ASPRV1: variants seen among roughly 807,000 people sequenced by gnomAD.
ASPRV1 encodes retroviral-like aspartic protease 1.
Under a neutral mutation model 11.0 loss-of-function variants are expected in ASPRV1, and 7 were observed. That is an observed-to-expected ratio of 0.64 (90% CI 0.36 to 1.20). The LOEUF is 1.20. ASPRV1 is among the 50% of genes most tolerant of loss of function. ASPRV1 has a pLI of 0.02. For missense variants in ASPRV1, 299 were observed against 320.0 expected, an observed-to-expected ratio of 0.93 and a Z score of 0.50; for synonymous variants, 136 against 138.4, an observed-to-expected ratio of 0.98 and a Z score of 0.12.
the ASPRV1 span, among the ~76,000 whole-genome samples, chr2:70,083,274 C>CTG: frequency 6.6e-6 from 1 of 152,224 alleles, no homozygotes; most frequent in Non-Finnish European, 1.5e-5. Context: ...TTCTAACAGG[C>CTG]TGTGTAACGT....
At chr2:70,080,750 T>C in the ASPRV1 span, among the ~76,000 whole-genome samples, 27 of 152,306 alleles carry the variant, frequency 1.8e-4, no homozygotes, top group South Asian at 1.2e-3. Flanking sequence ...AGCAAAACAA[T>C]AGTCACCAAA....
the ASPRV1 span, among the ~76,000 whole-genome samples, chr2:70,009,311 C>CTTATTTATTTATTTATTTATTTAT: frequency 6.8e-6 from 1 of 147,556 alleles, no homozygotes; most frequent in Non-Finnish European, 1.5e-5. Flanking sequence ...AATTTATTGT[C>CTTATTTATTTATTTATTTATTTAT]TTATTTATTT....
chr2:69,991,883 G>C, the ASPRV1 span, among the ~76,000 whole-genome samples: 1 of 152,180 alleles, frequency 6.6e-6, no homozygotes, highest in Non-Finnish European at 1.5e-5. Flanking sequence ...ACATTGCTCA[G>C]CAAGTTTCTC....
At chr2:70,036,314 A>G in the ASPRV1 span, among the ~76,000 whole-genome samples, 3 of 152,106 alleles carry the variant, frequency 2.0e-5, no homozygotes, top group Non-Finnish European at 2.9e-5. Context: ...AGCAGTGATC[A>G]GGGCAGGTTT....
the ASPRV1 span, among the ~76,000 whole-genome samples, chr2:69,968,841 G>A: frequency 6.6e-6 from 1 of 152,168 alleles, no homozygotes; most frequent in Admixed American, 6.5e-5. Context: ...CTGTGTGGCG[G>A]CTGCTGAACG....
chr2:70,024,365 A>C, the ASPRV1 span, among the ~76,000 whole-genome samples: 1 of 152,208 alleles, frequency 6.6e-6, no homozygotes, highest in African/African-American at 2.4e-5. Flanking sequence ...CATTAGTTGC[A>C]GTCTTCTGTG....
the ASPRV1 span, among the ~76,000 whole-genome samples, chr2:70,025,884 T>C: frequency 6.6e-6 from 1 of 152,206 alleles, no homozygotes; most frequent in South Asian, 2.1e-4. Flanking sequence ...AGAATTAAAA[T>C]ATGGACCATA....
chr2:70,045,506 C>T, the ASPRV1 span: 2 of 152,206 alleles, frequency 1.3e-5, no homozygotes, highest in Admixed American at 6.5e-5. Flanking sequence ...ACAAATATTC[C>T]TTTCCTTTCC....
the ASPRV1 span, chr2:70,056,581 G>A: frequency 1.6e-5 from 2 of 128,130 alleles, no homozygotes; most frequent in Non-Finnish European, 3.1e-5. Context: ...CTCCAGCCTG[G>A]GCGACAGAGC....
chr2:69,995,569 C>A, the ASPRV1 span, among the ~76,000 whole-genome samples: 1 of 152,072 alleles, frequency 6.6e-6, no homozygotes, highest in Non-Finnish European at 1.5e-5. Context: ...TGCCACCTTA[C>A]CCTCAGTTGG....
the ASPRV1 span, chr2:70,018,260 G>A: frequency 3.9e-3 from 588 of 152,054 alleles, 5 homozygotes; most frequent in Middle Eastern, 0.014. Context: ...AAACACTGAC[G>A]AAAGAAACTG....
At chr2:70,060,358 A>AT in the ASPRV1 span, among the ~76,000 whole-genome samples, 2 of 151,538 alleles carry the variant, frequency 1.3e-5, no homozygotes, top group Non-Finnish European at 1.5e-5. Context: ...AAAAAAAAAA[A>AT]AGCCTATTAA....
At chr2:70,040,672 A>G in the ASPRV1 span, among the ~76,000 whole-genome samples, 1 of 152,130 alleles carries the variant, frequency 6.6e-6, no homozygotes, top group African/African-American at 2.4e-5. Flanking sequence ...CGTCTTTACT[A>G]AAAGTACAAA....
the ASPRV1 span, among the ~76,000 whole-genome samples, chr2:70,058,019 G>A: frequency 3.3e-5 from 5 of 151,828 alleles, no homozygotes; most frequent in South Asian, 2.1e-4. Flanking sequence ...GGTCTTGATC[G>A]TGATCTGCCC....
At chr2:69,993,726 C>T in the ASPRV1 span, 1 of 152,250 alleles carries the variant, frequency 6.6e-6, no homozygotes, top group Non-Finnish European at 1.5e-5. Flanking sequence ...CTCTCCTTTT[C>T]CCACTGAAGT....
At chr2:70,034,085 G>C in the ASPRV1 span, among the ~76,000 whole-genome samples, 1 of 150,340 alleles carries the variant, frequency 6.7e-6, no homozygotes, top group Non-Finnish European at 1.5e-5. Context: ...ACCCCGGGGG[G>C]TGGAGCCTGC....
the ASPRV1 span, among the ~76,000 whole-genome samples, chr2:69,933,623 T>C: frequency 6.6e-6 from 1 of 152,148 alleles, no homozygotes; most frequent in Admixed American, 6.5e-5. Flanking sequence ...CCTCATGACC[T>C]AGAAGAGGCA....
the ASPRV1 span, among the ~76,000 whole-genome samples, chr2:69,978,748 A>G: frequency 6.6e-6 from 1 of 152,202 alleles, no homozygotes; most frequent in Non-Finnish European, 1.5e-5. Flanking sequence ...AGGTGGTAGC[A>G]GCCCGTGGAC....
chr2:70,046,840 CTTTATA>C, the ASPRV1 span: 1 of 152,264 alleles, frequency 6.6e-6, no homozygotes, highest in Admixed American at 6.5e-5. Context: ...TTTTAAGTTA[CTTTATA>C]TTTATGAAAG....
Sources: gnomAD v4.1 joint callset for allele counts (sites outside exome capture counted in the v4.1 genomes callset) on GRCh38, gnomAD v4.1.1 for gene constraint, MANE v1.5 for transcripts, NCBI Gene and HGNC (gene_info 2026-07-23, HGNC 2026-07-21) for gene names.